GABRB1: variants seen among roughly 807,000 people sequenced by gnomAD.
The protein encoded by GABRB1 is gamma-aminobutyric acid receptor subunit beta-1.
GABRB1 carries 17 observed loss-of-function variants against 51.6 expected under a neutral mutation model. The observed-to-expected ratio is 0.33, with a 90% CI of 0.23 to 0.49. The LOEUF is 0.49. GABRB1 is among the 20% of genes least tolerant of loss of function. GABRB1 has a pLI of 0.99. For missense variants in GABRB1, 410 were observed against 600.6 expected, an observed-to-expected ratio of 0.68 and a Z score of 3.32; for synonymous variants, 247 against 218.9, an observed-to-expected ratio of 1.13 and a Z score of -1.14.
intron 1 of GABRB1, among the ~76,000 whole-genome samples, chr4:47,015,744 T>C (rs79879466): frequency 0.02 from 3,065 of 152,378 alleles, 54 homozygotes; most frequent in Middle Eastern, 0.058. Context: ...ACATGTTTAC[T>C]ATCTGTGATC....
intron 3 of GABRB1, among the ~76,000 whole-genome samples, chr4:47,037,063 A>G (rs2109480043): frequency 6.6e-6 from 1 of 152,290 alleles, no homozygotes; most frequent in South Asian, 2.1e-4. Context: ...GGCTTGACCT[A>G]AACTAATAAA....
intron 3 of GABRB1, among the ~76,000 whole-genome samples, chr4:47,136,512 C>A (rs540709299): frequency 0.015 from 1,293 of 85,294 alleles, 13 homozygotes; most frequent in African/African-American, 0.085. Flanking sequence ...TTACAAAGAC[C>A]AAATTAAAAA....
chr4:47,398,809 G>C (rs1728278400), intron 5 of GABRB1, among the ~76,000 whole-genome samples: 1 of 151,364 alleles, frequency 6.6e-6, no homozygotes, highest in South Asian at 2.1e-4. Context: ...TTTTGTTTTT[G>C]AGACGGAGTC....
intron 4 of GABRB1, among the ~76,000 whole-genome samples, chr4:47,276,564 A>G (rs1178685027): frequency 6.6e-6 from 1 of 152,104 alleles, no homozygotes; most frequent in Non-Finnish European, 1.5e-5. Context: ...CTTTCACTTT[A>G]TTTTATCCTC....
chr4:47,049,287 G>A (rs923927523), intron 3 of GABRB1, among the ~76,000 whole-genome samples: 4 of 152,088 alleles, frequency 2.6e-5, no homozygotes, highest in Admixed American at 6.6e-5. Flanking sequence ...GATTCCTGCC[G>A]GTGGAAAGAC....
chr4:47,282,112 A>G (rs192575625), intron 4 of GABRB1, among the ~76,000 whole-genome samples: 1 of 152,344 alleles, frequency 6.6e-6, no homozygotes, highest in African/African-American at 2.4e-5. Flanking sequence ...TCTTTCTATA[A>G]TAGAAGCATA....
chr4:47,406,312 G>T (rs550276891), intron 7 of GABRB1, among the ~76,000 whole-genome samples: 4 of 152,326 alleles, frequency 2.6e-5, no homozygotes, highest in Admixed American at 2.6e-4. Context: ...GGAGCACAGT[G>T]AATGAGATGC....
intron 3 of GABRB1, among the ~76,000 whole-genome samples, chr4:47,040,100 A>G (rs1264220251): frequency 2.6e-5 from 4 of 152,180 alleles, no homozygotes; most frequent in Non-Finnish European, 5.9e-5. Flanking sequence ...TCTTACATGT[A>G]TGTGTCCTCC....
chr4:47,144,670 C>A (rs112452786), intron 3 of GABRB1, among the ~76,000 whole-genome samples: 1 of 151,848 alleles, frequency 6.6e-6, no homozygotes, highest in Non-Finnish European at 1.5e-5. Flanking sequence ...ATAGACAAAA[C>A]TGGAATCGAA....
In GABRB1 at chr4:47,350,214, TATATAG is replaced by T. The variant is rs1212781731; in HGVS notation, c.544+30007_544+30012del. 8.2e-3 allele frequency among the ~76,000 whole-genome samples: 654 copies of T among 79,498 alleles called. 1 individual carries two copies. The highest frequency in any genetic ancestry group is 0.011 in the Middle Eastern group (1 of 92). 52.2% of individuals were successfully genotyped at this position (79,498 alleles called of 152,430 possible). A position where few individuals can be genotyped will look rare whatever the true frequency, so the allele number is the denominator to read the frequency against. On this transcript the variant is annotated intron_variant, in intron 5 of 8. Coordinates refer to ENST00000295454, the MANE Select transcript of GABRB1 (RefSeq NM_000812.4). ...ATATATATATATATATATATATATATATATAGAGAGAGAGAGAGAGAGAGAGAGAGG... is the reference window on the plus strand; with the variant it reads ...ATATATATATATATATATATATATATAGAGAGAGAGAGAGAGAGAGAGAGG...
intron 4 of GABRB1, among the ~76,000 whole-genome samples, chr4:47,281,503 A>G (rs1305073360): frequency 6.6e-6 from 1 of 152,206 alleles, no homozygotes; most frequent in Non-Finnish European, 1.5e-5. Flanking sequence ...TTAAAAAATT[A>G]TAAATAAAAT....
chr4:47,296,926 A>C (rs1724024211), intron 4 of GABRB1, among the ~76,000 whole-genome samples: 1 of 152,210 alleles, frequency 6.6e-6, no homozygotes, highest in African/African-American at 2.4e-5. Flanking sequence ...AGCACAGTGC[A>C]ATCAAACTAG....
intron 5 of GABRB1, among the ~76,000 whole-genome samples, chr4:47,385,100 G>A (rs1394331290): frequency 1.3e-5 from 2 of 152,178 alleles, no homozygotes; most frequent in African/African-American, 2.4e-5. Flanking sequence ...AGTGGAAAGA[G>A]GTTTCAATCT....
intron 4 of GABRB1, among the ~76,000 whole-genome samples, chr4:47,256,304 G>T (rs1722196987): frequency 6.6e-6 from 1 of 152,168 alleles, no homozygotes. Flanking sequence ...TATTTCATAT[G>T]TTTACATACA....
intron 5 of GABRB1, among the ~76,000 whole-genome samples, chr4:47,357,506 AC>A: frequency 6.6e-6 from 1 of 152,234 alleles, no homozygotes; most frequent in African/African-American, 2.4e-5. Flanking sequence ...CTTTTCCAGC[AC>A]CCCTTGCAGC....
At chr4:47,265,128 C>A (rs1722600818) in intron 4 of GABRB1, among the ~76,000 whole-genome samples, 1 of 152,014 alleles carries the variant, frequency 6.6e-6, no homozygotes, top group South Asian at 2.1e-4. Context: ...TCTGAGTAAC[C>A]AATATCTATT....
At chr4:47,169,941 G>C (rs1247649971) in intron 4 of GABRB1, among the ~76,000 whole-genome samples, 2 of 152,140 alleles carry the variant, frequency 1.3e-5, no homozygotes, top group African/African-American at 4.8e-5. Context: ...CACCATTATA[G>C]AAATGAAACT....
intron 5 of GABRB1, among the ~76,000 whole-genome samples, chr4:47,342,014 C>G (rs1486082964): frequency 1.3e-5 from 2 of 152,164 alleles, no homozygotes; most frequent in Non-Finnish European, 2.9e-5. Context: ...TCCTGTGAAG[C>G]TCAATAGCAT....
chr4:47,222,105 T>C (rs1168417751), intron 4 of GABRB1, among the ~76,000 whole-genome samples: 7 of 152,146 alleles, frequency 4.6e-5, no homozygotes, highest in Non-Finnish European at 1.0e-4. Context: ...GTTTACGGTA[T>C]GAGCTGAAAC....
Sources: allele counts gnomAD v4.1 joint callset (sites outside exome capture counted in the v4.1 genomes callset), GRCh38; gene constraint gnomAD v4.1.1; transcripts MANE v1.5; gene names NCBI Gene and HGNC (gene_info 2026-07-23, HGNC 2026-07-21).